CSGALNACT1: variants seen among roughly 807,000 people sequenced by gnomAD.
CSGALNACT1 encodes the protein chondroitin sulfate N-acetylgalactosaminyltransferase 1.
In CSGALNACT1, 52 loss-of-function variants were observed where a neutral mutation model predicts 51.0. That is an observed-to-expected ratio of 1.02 (90% CI 0.82 to 1.29). CSGALNACT1 has a LOEUF of 1.29. Ranked by LOEUF, CSGALNACT1 falls within the 50% of genes most tolerant of loss-of-function variation. The pLI is 0.00. For synonymous variants in CSGALNACT1, 341 were observed against 254.4 expected (o/e 1.34, Z -3.24); for missense variants, 935 against 679.2 (o/e 1.38, Z -4.19).
chr8:19,706,450 T>C (rs1175396727), intron 1 of CSGALNACT1, among the ~76,000 whole-genome samples: 7 of 152,118 alleles, frequency 4.6e-5, no homozygotes, highest in African/African-American at 7.2e-5. Context: ...GGTCAAGGAA[T>C]TGAATAACAC....
intron 1 of CSGALNACT1, among the ~76,000 whole-genome samples, chr8:19,623,970 G>T (rs557795987): frequency 6.6e-6 from 1 of 152,202 alleles, no homozygotes; most frequent in African/African-American, 2.4e-5. Flanking sequence ...GGCAAATGGC[G>T]AAATATTTTA....
At chr8:19,732,118 T>G (rs1235207889) in intron 1 of CSGALNACT1, among the ~76,000 whole-genome samples, 1 of 152,246 alleles carries the variant, frequency 6.6e-6, no homozygotes, top group Non-Finnish European at 1.5e-5. Flanking sequence ...TGAATCAATC[T>G]GGCTGTAATC....
At chr8:19,620,636 C>T (rs970437034) in intron 1 of CSGALNACT1, among the ~76,000 whole-genome samples, 3 of 152,206 alleles carry the variant, frequency 2.0e-5, no homozygotes, top group South Asian at 2.1e-4. Context: ...GGTCTCACTA[C>T]GTTGCCCAGG....
At chr8:19,532,882 A>G (rs950862790) in intron 3 of CSGALNACT1, among the ~76,000 whole-genome samples, 2 of 152,162 alleles carry the variant, frequency 1.3e-5, no homozygotes, top group African/African-American at 4.8e-5. Context: ...ACTACAAAAC[A>G]AGCTGCTTAT....
At chr8:19,512,476 C>A (rs1274409274) in intron 3 of CSGALNACT1, among the ~76,000 whole-genome samples, 2 of 152,180 alleles carry the variant, frequency 1.3e-5, no homozygotes, top group Admixed American at 1.3e-4. Flanking sequence ...TACATTCCAA[C>A]AGATAGATAA....
intron 3 of CSGALNACT1, among the ~76,000 whole-genome samples, chr8:19,575,508 G>A (rs2043994704): frequency 6.6e-6 from 1 of 152,164 alleles, no homozygotes; most frequent in Non-Finnish European, 1.5e-5. Flanking sequence ...CGTTAAGCAG[G>A]TAAAACTTTC....
intron 1 of CSGALNACT1, among the ~76,000 whole-genome samples, chr8:19,692,391 G>T (rs1027810036): frequency 6.6e-6 from 1 of 152,190 alleles, no homozygotes; most frequent in Admixed American, 6.5e-5. Flanking sequence ...AGTTACCATT[G>T]TAACAAATAG....
At chr8:19,655,839 T>G (rs80149440) in intron 1 of CSGALNACT1, among the ~76,000 whole-genome samples, 1,973 of 152,272 alleles carry the variant, frequency 0.013, 47 homozygotes, top group African/African-American at 0.045. Context: ...GAATAAAACA[T>G]GCAGCTCTCA....
chr8:19,449,779 TA>T (rs57858518), intron 5 of CSGALNACT1, among the ~76,000 whole-genome samples: 91,647 of 151,634 alleles, frequency 0.6, 29,448 homozygotes, highest in East Asian at 0.86. Flanking sequence ...GCAGTCAAAA[TA>T]AAAAAATCAA....
At chr8:19,602,678 A>T (rs1412137605), upstream of CSGALNACT1, 1 of 152,236 alleles carries the variant, frequency 6.6e-6, no homozygotes, top group East Asian at 1.9e-4. Context: ...CCTTGCAGGG[A>T]GTGACAACGG....
At chr8:19,525,040 G>A (rs185692297) in intron 3 of CSGALNACT1, among the ~76,000 whole-genome samples, 127 of 152,224 alleles carry the variant, frequency 8.3e-4, no homozygotes, top group African/African-American at 2.6e-3. Flanking sequence ...CCACAGCATT[G>A]CTTATGATTT....
chr8:19,493,989 C>G (rs1447850973), intron 4 of CSGALNACT1, among the ~76,000 whole-genome samples: 2 of 152,066 alleles, frequency 1.3e-5, no homozygotes, highest in African/African-American at 4.8e-5. Flanking sequence ...AAACCTGCCT[C>G]CAATGTAATC....
At chr8:19,432,202 C>A (rs117033784) in intron 6 of CSGALNACT1, among the ~76,000 whole-genome samples, 2 of 152,038 alleles carry the variant, frequency 1.3e-5, no homozygotes, top group Non-Finnish European at 2.9e-5. Context: ...CCTAATTTTG[C>A]CTTCATTTGT....
intron 1 of CSGALNACT1, among the ~76,000 whole-genome samples, chr8:19,661,442 A>G (rs1292816909): frequency 6.6e-6 from 1 of 152,220 alleles, no homozygotes; most frequent in Non-Finnish European, 1.5e-5. Context: ...AAAACTCTCA[A>G]TGAAAAACTG....
At chr8:19,463,664 C>T (rs1001799501) in intron 4 of CSGALNACT1, among the ~76,000 whole-genome samples, 1 of 152,226 alleles carries the variant, frequency 6.6e-6, no homozygotes, top group Non-Finnish European at 1.5e-5. Flanking sequence ...GTGCACTATG[C>T]AAATTAAAGA....
At chr8:19,425,774 C>T (rs1362173604) in intron 6 of CSGALNACT1, among the ~76,000 whole-genome samples, 3 of 152,156 alleles carry the variant, frequency 2.0e-5, no homozygotes, top group Non-Finnish European at 4.4e-5. Flanking sequence ...ACATAACAGA[C>T]GACTCACCAA....
chr8:19,432,075 T>A lies in CSGALNACT1; in HGVS notation c.953+7755A>T, dbSNP rs181416026. 2.4e-3 allele frequency among the ~76,000 whole-genome samples: 371 copies of A among 152,260 alleles called. 2 individuals carry two copies. Among genetic ancestry groups the A allele is most frequent in the African/African-American group, 8.4e-3 (350 of 41,564 alleles). On this transcript the variant is annotated intron_variant, in intron 6 of 9. Coordinates refer to ENST00000454498, the Ensembl canonical transcript of CSGALNACT1. ...AGTTACTTCACTGGCAATCTTTACG[T>A]CTTCATGTGGATTTGTCTAGTGTCC...
chr8:19,404,687 ATTGT>A (rs1442902800), exon 10 of CSGALNACT1: 2 of 454,214 alleles, frequency 4.4e-6, no homozygotes, highest in Non-Finnish European at 8.8e-6. Flanking sequence ...TTGAAAAGAG[ATTGT>A]TTGGTTCACA....
chr8:19,564,076 C>A (rs889299617), intron 3 of CSGALNACT1, among the ~76,000 whole-genome samples: 1 of 152,214 alleles, frequency 6.6e-6, no homozygotes, highest in Non-Finnish European at 1.5e-5. Context: ...ACTGTCGGTG[C>A]TCCCACAGGA....
Sources: gnomAD v4.1 joint callset for allele counts (sites outside exome capture counted in the v4.1 genomes callset) on GRCh38, gnomAD v4.1.1 for gene constraint, MANE v1.5 for transcripts, NCBI Gene and HGNC (gene_info 2026-07-23, HGNC 2026-07-21) for gene names.